The following KCNQ1OT1 variants were observed in gnomAD, a reference collection of about 807,000 sequenced individuals.
The protein encoded by KCNQ1OT1 is KCNQ1 antisense RNA 2 (non-protein coding).
exon 1 of KCNQ1OT1, chr11:2,614,857 A>G: frequency 2.5e-6 from 1 of 398,340 alleles, no homozygotes. Context: ...TTTCAATATG[A>G]TTTTAGATTG....
chr11:2,656,131 C>T (rs231344), exon 1 of KCNQ1OT1: 37,256 of 398,576 alleles, frequency 0.093, 1,972 homozygotes, highest in Middle Eastern at 0.15. Flanking sequence ...TGTGCTCCAT[C>T]GTTCCTTCTA....
chr11:2,634,288 T>G, exon 1 of KCNQ1OT1: 2 of 349,528 alleles, frequency 5.7e-6, no homozygotes, highest in Non-Finnish European at 5.1e-6. Flanking sequence ...TCATTTACCT[T>G]AGGTATATCT....
At position 2,651,196 on chromosome 11, in the gene KCNQ1OT1, TC is replaced by T; in HGVS notation, n.48798del. The T allele has an allele frequency of 2.5e-6, 1 of 396,982 alleles. No individual in the cohort carries two copies. Among genetic ancestry groups the T allele is most frequent in the East Asian group, 3.6e-5 (1 of 28,084 alleles). The allele number at this position is 396,982 out of a possible 1,614,324, so 24.6% of individuals were successfully genotyped here. ...TCCCTACTCAAATGTTCCGACAGCTTCCTGTCACCCTGTCTTGTGTCAGTCT... is the reference window on the plus strand; with the variant it reads ...TCCCTACTCAAATGTTCCGACAGCTTCTGTCACCCTGTCTTGTGTCAGTCT... On this transcript the variant is annotated non_coding_transcript_exon_variant, in exon 1 of 1. Coordinates refer to ENST00000597346, the Ensembl canonical transcript of KCNQ1OT1. This position sits in a 1 kb window ranked among gnomAD's most constrained non-coding sequence, Gnocchi z 6.1.
Position 2,690,217 on chromosome 11 carries a change from C to G in KCNQ1OT1, n.9778G>C. 3 of 398,754 alleles carry G rather than the reference C, an allele frequency of 7.5e-6. No individual in the cohort carries two copies. The highest frequency in any genetic ancestry group is 1.3e-5 in the Non-Finnish European group (3 of 226,170). The allele number at this position is 398,754 out of a possible 1,614,324, so 24.7% of individuals were successfully genotyped here. The stretch of plus-strand genomic sequence containing the variant: ...GGCTAAACTCTGCTGTGTCAAGTGC[C>G]TGGTGACCTCAAGCAAGTCATTCCA... On this transcript the variant is annotated non_coding_transcript_exon_variant, in exon 1 of 1. Coordinates refer to ENST00000597346, the Ensembl canonical transcript of KCNQ1OT1. This position sits in a 1 kb window ranked among gnomAD's most constrained non-coding sequence, Gnocchi z 5.1.
chr11:2,631,188 C>T (rs1849346894), exon 1 of KCNQ1OT1: 1 of 398,360 alleles, frequency 2.5e-6, no homozygotes, highest in South Asian at 1.3e-4. Context: ...TACCCTTTAC[C>T]TCTCTACTTT....
chr11:2,641,737 T>C, exon 1 of KCNQ1OT1: 9 of 398,436 alleles, frequency 2.3e-5, no homozygotes, highest in Middle Eastern at 6.3e-4. Flanking sequence ...GTTTCCCCAA[T>C]GTCTCCTTCA....
At position 2,612,653 on chromosome 11, in the gene KCNQ1OT1, T is replaced by A; in HGVS notation, n.87342A>T. Reference sequence around the variant, plus strand: ...TGAGTCTTTGTCATCACACTTGCATTCTTTAATGTGGTTTCTTTTGGTTCT... The same window carrying A: ...TGAGTCTTTGTCATCACACTTGCATACTTTAATGTGGTTTCTTTTGGTTCT... On this transcript the variant is annotated non_coding_transcript_exon_variant, in exon 1 of 1. Coordinates refer to ENST00000597346, the Ensembl canonical transcript of KCNQ1OT1. The surrounding 1 kb of genome is among the most constrained non-coding windows in gnomAD (Gnocchi z 5.5). 5.0e-6 allele frequency: 2 copies of A among 398,604 alleles called. No homozygotes were observed. Among genetic ancestry groups the A allele is most frequent in the Non-Finnish European group, 8.8e-6 (2 of 226,058 alleles). 24.7% of individuals were successfully genotyped at this position (398,604 alleles called of 1,614,324 possible).
At chr11:2,648,475 T>C (rs1260300738) in exon 1 of KCNQ1OT1, 3 of 398,402 alleles carry the variant, frequency 7.5e-6, no homozygotes, top group East Asian at 3.6e-5. Context: ...TGTGTTTCTA[T>C]TTTCATTTGT....
At chr11:2,666,592 G>T in exon 1 of KCNQ1OT1, 1 of 398,668 alleles carries the variant, frequency 2.5e-6, no homozygotes. Flanking sequence ...AGTCTGTGCT[G>T]TCTGGAAATA....
rs114032795 is a variant in KCNQ1OT1 at position 2,677,196 on chromosome 11, C to T, written n.22799G>A. 1,102 of 398,606 alleles carry T rather than the reference C, an allele frequency of 2.8e-3. 11 individuals are homozygous for T. Among genetic ancestry groups the T allele is most frequent in the African/African-American group, 0.016 (782 of 48,748 alleles). The allele number at this position is 398,606 out of a possible 1,614,324, so 24.7% of individuals were successfully genotyped here. On this transcript the variant is annotated non_coding_transcript_exon_variant, in exon 1 of 1. Coordinates refer to ENST00000597346, the Ensembl canonical transcript of KCNQ1OT1. This position sits in a 1 kb window ranked among gnomAD's most constrained non-coding sequence, Gnocchi z 4.5. ...CCCTACTTGTATCTCTGCTGACTGACCTCTTTGGCTGTCTCTTGTCAACCA... is the reference window on the plus strand; with the variant it reads ...CCCTACTTGTATCTCTGCTGACTGATCTCTTTGGCTGTCTCTTGTCAACCA...
At position 2,651,457 on chromosome 11, in the gene KCNQ1OT1, T is replaced by C. The variant is rs1265993887; in HGVS notation, n.48538A>G. The C allele has an allele frequency of 2.5e-6, 1 of 398,636 alleles. No individual in the cohort carries two copies. Among genetic ancestry groups the C allele is most frequent in the Non-Finnish European group, 4.4e-6 (1 of 226,162 alleles). The allele number at this position is 398,636 out of a possible 1,614,324, so 24.7% of individuals were successfully genotyped here. On this transcript the variant is annotated non_coding_transcript_exon_variant, in exon 1 of 1. Coordinates refer to ENST00000597346, the Ensembl canonical transcript of KCNQ1OT1. The surrounding 1 kb of genome is among the most constrained non-coding windows in gnomAD (Gnocchi z 6.1). The stretch of plus-strand genomic sequence containing the variant: ...AGCAAGTGCCTGAAGTCAGAGGTAG[T>C]GCTTATGAAAGTATCTGGTGGGCTT...
exon 1 of KCNQ1OT1, chr11:2,633,930 T>C (rs1849406171): frequency 2.5e-6 from 1 of 398,618 alleles, no homozygotes. Flanking sequence ...CCTTGTTAGA[T>C]TATGGGGAAA....
exon 1 of KCNQ1OT1, chr11:2,633,466 T>C (rs1477692082): frequency 7.5e-6 from 3 of 398,456 alleles, no homozygotes; most frequent in Admixed American, 8.8e-5. Flanking sequence ...CCTGAAGGGT[T>C]TCCCTTCTGT....
chr11:2,688,387 T>C, exon 1 of KCNQ1OT1: 1 of 398,738 alleles, frequency 2.5e-6, no homozygotes. Flanking sequence ...TTTCAATAAC[T>C]GCCATCCTTT....
chr11:2,641,927 A>G, exon 1 of KCNQ1OT1: 1 of 398,508 alleles, frequency 2.5e-6, no homozygotes, highest in Non-Finnish European at 4.4e-6. Flanking sequence ...TCTTTGTCAA[A>G]AATCAGTTGG....
chr11:2,616,163 C>G, exon 1 of KCNQ1OT1: 1 of 396,172 alleles, frequency 2.5e-6, no homozygotes, highest in Admixed American at 4.4e-5. Flanking sequence ...TTTTATCACA[C>G]TTTTTATTTC....
chr11:2,662,222 C>T, exon 1 of KCNQ1OT1: 2 of 1,156,300 alleles, frequency 1.7e-6, no homozygotes, highest in Non-Finnish European at 2.5e-6. Context: ...TCTGCCTGGC[C>T]CCAACACGGA....
rs1280203709 is a variant in KCNQ1OT1, at chr11:2,611,949, A to C, written n.88046T>G. ...CTGCTTCAGGTTAATAATCTACTCA[A>C]ATATTTTTGTCTGCCCTATTCTCTC... is the stretch of plus-strand genomic sequence containing the variant. On this transcript the variant is annotated non_coding_transcript_exon_variant, in exon 1 of 1. Transcript: ENST00000597346. The surrounding 1 kb of genome is among the most constrained non-coding windows in gnomAD (Gnocchi z 5.3). 5.0e-6 allele frequency: 2 copies of C among 398,506 alleles called. No individual in the cohort carries two copies. Among genetic ancestry groups the C allele is most frequent in the East Asian group, 3.6e-5 (1 of 28,090 alleles). 24.7% of individuals were successfully genotyped at this position (398,506 alleles called of 1,614,324 possible).
chr11:2,613,640 G>C lies in KCNQ1OT1; in HGVS notation n.86355C>G, dbSNP rs2133793911. ...TTTTATCATTGCTTTTCAGGGAGTG[G>C]TTATATCAAGGTGCTCATTCCACCA... On this transcript the variant is annotated non_coding_transcript_exon_variant, in exon 1 of 1. Transcript: ENST00000597346. The surrounding 1 kb of genome is among the most constrained non-coding windows in gnomAD (Gnocchi z 4.8). 2 of 398,408 alleles carry C rather than the reference G, an allele frequency of 5.0e-6. No individual in the cohort carries two copies. The highest frequency in any genetic ancestry group is 2.6e-4 in the South Asian group (2 of 7,842). The allele number at this position is 398,408 out of a possible 1,614,324, so 24.7% of individuals were successfully genotyped here. A position where few individuals can be genotyped will look rare whatever the true frequency, so the allele number is the denominator to read the frequency against.
Sources: allele counts gnomAD v4.1 joint callset, GRCh38; gene constraint gnomAD v4.1.1; non-coding constraint Gnocchi (gnomAD v3.1); transcripts MANE v1.5; gene names NCBI Gene and HGNC (gene_info 2026-07-23, HGNC 2026-07-21).